RUNX1: variants seen among roughly 807,000 people sequenced by gnomAD.
RUNX1 encodes the protein runt-related transcription factor 1.
RUNX1 carries 19 observed loss-of-function variants against 42.8 expected under a neutral mutation model. The observed-to-expected ratio is 0.44, with a 90% CI of 0.31 to 0.65. RUNX1 has a LOEUF of 0.65. Ranked by LOEUF, RUNX1 falls within the 30% of genes least tolerant of loss-of-function variation. The pLI is 0.07. For synonymous variants in RUNX1, 271 were observed against 289.4 expected (o/e 0.94, Z 0.64); for missense variants, 528 against 672.0 (o/e 0.79, Z 2.37).
intron 4 of RUNX1, among the ~76,000 whole-genome samples, chr21:34,884,897 T>C (rs1438415563): frequency 1.3e-5 from 2 of 152,230 alleles, no homozygotes; most frequent in African/African-American, 4.8e-5. Flanking sequence ...TAAAACAAAT[T>C]AATTGTTTTT....
At chr21:34,824,914 C>T (rs1478267326) in intron 7 of RUNX1, among the ~76,000 whole-genome samples, 1 of 152,190 alleles carries the variant, frequency 6.6e-6, no homozygotes, top group East Asian at 1.9e-4. Context: ...AAAACCCAAG[C>T]AGTAGCTTTC....
At chr21:34,834,721 C>T in intron 6 of RUNX1, 120 bp from the exon 7 acceptor site, 1 of 859,462 alleles carries the variant, frequency 1.2e-6, no homozygotes, top group Non-Finnish European at 1.8e-6. Context: ...CCTCTCTCTC[C>T]CCTCACCCCA....
chr21:34,911,589 C>G (rs2058272777), intron 2 of RUNX1, among the ~76,000 whole-genome samples: 1 of 152,214 alleles, frequency 6.6e-6, no homozygotes. Flanking sequence ...GGCCATCCTT[C>G]CAGCTCTGCC....
chr21:34,897,818 G>A (rs2058142421), intron 2 of RUNX1, among the ~76,000 whole-genome samples: 1 of 152,140 alleles, frequency 6.6e-6, no homozygotes, highest in Admixed American at 6.5e-5. Flanking sequence ...CCTAATCCCT[G>A]GGGCTGGGAA....
rs1491184018 is a variant in RUNX1 at position 34,928,961 on chromosome 21, T to TTG, written c.59-35999_59-35998insCA. 1.0e-3 allele frequency among the ~76,000 whole-genome samples: 143 copies of TTG among 138,494 alleles called. 3 individuals are homozygous for TTG. Among genetic ancestry groups the TTG allele is most frequent in the African/African-American group, 3.6e-3 (132 of 36,190 alleles). The allele number at this position is 138,494 out of a possible 152,430, so 90.9% of individuals were successfully genotyped here. On this transcript the variant is annotated intron_variant, in intron 2 of 8. Transcript: ENST00000675419. ...CAAGCTTATTTCTACAGATTTTTTT[T>TTG]GGGGGGGGGGGTAGATTTCACTTTG...
chr21:34,842,131 TG>T (rs2057245524), intron 6 of RUNX1, among the ~76,000 whole-genome samples: 2 of 152,174 alleles, frequency 1.3e-5, no homozygotes, highest in Admixed American at 6.5e-5. Flanking sequence ...TCAGCTGAAA[TG>T]TAACTACAGA....
intron 2 of RUNX1, among the ~76,000 whole-genome samples, chr21:34,982,561 T>C (rs1187275426): frequency 6.6e-6 from 1 of 152,110 alleles, no homozygotes; most frequent in Admixed American, 6.5e-5. Flanking sequence ...ACTATTACTA[T>C]GTTTACTTTT....
At chr21:34,996,262 G>A (rs937403528) in intron 2 of RUNX1, among the ~76,000 whole-genome samples, 2 of 147,694 alleles carry the variant, frequency 1.4e-5, no homozygotes, top group Non-Finnish European at 3.0e-5. Flanking sequence ...CAGTTGTAGA[G>A]CTCAGGTGTG....
At chr21:34,874,137 C>T (rs2057779139) in intron 5 of RUNX1, among the ~76,000 whole-genome samples, 1 of 151,864 alleles carries the variant, frequency 6.6e-6, no homozygotes, top group East Asian at 1.9e-4. Flanking sequence ...CTCTCTCTCT[C>T]TCTCTCTCCC....
At chr21:35,041,965 G>A (rs952828786) in intron 2 of RUNX1, among the ~76,000 whole-genome samples, 2 of 152,008 alleles carry the variant, frequency 1.3e-5, no homozygotes, top group Non-Finnish European at 2.9e-5. Context: ...GAGGCTGGGG[G>A]ATTTTTGAGA....
intron 2 of RUNX1, among the ~76,000 whole-genome samples, chr21:34,933,229 C>T (rs2058461075): frequency 6.6e-6 from 1 of 152,194 alleles, no homozygotes; most frequent in Non-Finnish European, 1.5e-5. Flanking sequence ...TCTTCCTCAA[C>T]CTTCAGTGCC....
intron 2 of RUNX1, among the ~76,000 whole-genome samples, chr21:34,948,795 G>C (rs2058584860): frequency 6.6e-6 from 1 of 151,972 alleles, no homozygotes; most frequent in Non-Finnish European, 1.5e-5. Context: ...ACCCAGGCTA[G>C]AGTGCAGTGG....
At chr21:34,947,045 AAC>A (rs1233577910) in intron 2 of RUNX1, among the ~76,000 whole-genome samples, 2 of 152,108 alleles carry the variant, frequency 1.3e-5, no homozygotes, top group African/African-American at 4.8e-5. Flanking sequence ...CCATAGTCAT[AAC>A]ACTCTCTCCC....
Position 35,049,169 on chromosome 21 carries a change from A to G in RUNX1, c.-61T>C. ...TGGCTGTGGGTTGGTGATGCTCACC[A>G]CGCTGCGAAACCCTGTGGTTTGCAT... On this transcript the variant is annotated splice_region_variant and 5_prime_UTR_variant, in exon 1 of 9. Transcript: ENST00000675419. 2.1e-6 allele frequency: 1 copy of G among 473,916 alleles called. No individual in the cohort carries two copies. The highest frequency in any genetic ancestry group is 2.2e-5 in the South Asian group (1 of 45,558). 29.4% of individuals were successfully genotyped at this position (473,916 alleles called of 1,614,324 possible).
chr21:34,880,603 C>T lies in RUNX1; in HGVS notation c.462G>A (p.Gln154=), dbSNP rs766681045. ...LRNATAAMKN[Q]VARFNDLRFV... ...ACCTGAGGTCATTAAATCTTGCAAC[C>T]TGGTTCTTCATGGCTGCGGTAGCAT... The change falls in exon 5 of 9, where the codon CAG becomes CAA. Residue 154 remains glutamine (Q), a synonymous_variant. Coordinates refer to ENST00000675419, the MANE Select transcript of RUNX1 (RefSeq NM_001754.5). The T allele has an allele frequency of 6.2e-7, 1 of 1,614,094 alleles. No homozygotes were observed. Among genetic ancestry groups the T allele is most frequent in the Non-Finnish European group, 8.5e-7 (1 of 1,180,000 alleles).
intron 6 of RUNX1, among the ~76,000 whole-genome samples, chr21:34,845,264 G>A (rs894270855): frequency 2.0e-5 from 3 of 152,176 alleles, no homozygotes; most frequent in African/African-American, 7.2e-5. Flanking sequence ...ATTCACCTTG[G>A]TGACCACATT....
chr21:34,986,048 T>G (rs2146809224), intron 2 of RUNX1, among the ~76,000 whole-genome samples: 1 of 152,048 alleles, frequency 6.6e-6, no homozygotes, highest in Non-Finnish European at 1.5e-5. Context: ...AATTTTTGTA[T>G]TTTTTGTAGA....
At chr21:34,951,046 A>C (rs149109904) in intron 2 of RUNX1, among the ~76,000 whole-genome samples, 35 of 152,388 alleles carry the variant, frequency 2.3e-4, no homozygotes, top group Non-Finnish European at 4.9e-4. Context: ...CAATTTGTCA[A>C]TAGCCTCTGG....
chr21:34,972,661 AT>A (rs1224220938), intron 2 of RUNX1, among the ~76,000 whole-genome samples: 25 of 152,340 alleles, frequency 1.6e-4, no homozygotes, highest in Non-Finnish European at 7.4e-5. Flanking sequence ...AGGTGTTGAA[AT>A]GTTAGGTTTA....
Sources: gnomAD v4.1 joint callset for allele counts (sites outside exome capture counted in the v4.1 genomes callset) on GRCh38, gnomAD v4.1.1 for gene constraint, MANE v1.5 for transcripts, NCBI Gene and HGNC (gene_info 2026-07-23, HGNC 2026-07-21) for gene names.